COL26A1: variants seen among roughly 807,000 people sequenced by gnomAD.
The protein encoded by COL26A1 is collagen type XXVI alpha 1 chain, also known as collagen alpha-1(XXVI) chain.
A neutral mutation model predicts 59.3 loss-of-function variants in COL26A1; 41 were observed. That is an observed-to-expected ratio of 0.69 (90% CI 0.54 to 0.90). The LOEUF (loss-of-function observed/expected upper bound fraction) is 0.90, where lower values mean the gene tolerates loss of function less well. Ranked by LOEUF, COL26A1 falls within the 40% of genes least tolerant of loss-of-function variation. The pLI, the probability that COL26A1 is intolerant of heterozygous loss-of-function variation, is 0.00. For synonymous variants in COL26A1, 266 were observed against 256.0 expected (o/e 1.04, Z -0.37); for missense variants, 612 against 602.3 (o/e 1.02, Z -0.17).
intron 9 of COL26A1, 108 bp from the exon 10 acceptor site, chr7:101,551,000 C>A: frequency 7.8e-7 from 1 of 1,279,134 alleles, no homozygotes; most frequent in Non-Finnish European, 1.1e-6. Flanking sequence ...CTCTCCCTTC[C>A]TCTTCTGCAG....
Position 101,453,769 on chromosome 7 carries a change from A to G in COL26A1, c.385+5982A>G, listed in dbSNP as rs1048071052. Among the ~76,000 whole-genome samples, 8 of 152,260 alleles carry G rather than the reference A, an allele frequency of 5.3e-5. No homozygotes were observed. The South Asian group carries it at 1.5e-3, about 28-fold the overall frequency. ...ATTTTACATTCCCGAATATAAACCA[A>G]TAAAGACAGCAGGCTAAATCAAGGC... On this transcript the variant is annotated intron_variant, in intron 3 of 12. Transcript: ENST00000313669.
rs575916797 is a variant in COL26A1, at chr7:101,467,370, G to A, written c.385+19583G>A. Among the ~76,000 whole-genome samples the A allele has an allele frequency of 4.7e-4, 67 of 143,716 alleles. 1 individual carries two copies. The highest frequency in any genetic ancestry group is 8.3e-4 in the Non-Finnish European group (52 of 62,808). The allele number at this position is 143,716 out of a possible 152,430, so 94.3% of individuals were successfully genotyped here. On this transcript the variant is annotated intron_variant, in intron 3 of 12. Coordinates refer to ENST00000313669, the MANE Select transcript of COL26A1 (RefSeq NM_001278563.3). Reference sequence around the variant, plus strand: ...GGCGAAATGCACAGGGCGGGGGGAGGATGGGGGGTGGTTTATAGATGAGCC... The same window carrying A: ...GGCGAAATGCACAGGGCGGGGGGAGAATGGGGGGTGGTTTATAGATGAGCC...
At chr7:101,511,148 C>T (rs949769077) in intron 3 of COL26A1, among the ~76,000 whole-genome samples, 37 of 151,372 alleles carry the variant, frequency 2.4e-4, no homozygotes, top group Admixed American at 4.6e-4. Context: ...ATGATCCACC[C>T]GCCTCGGCCT....
intron 3 of COL26A1, among the ~76,000 whole-genome samples, chr7:101,499,167 C>T (rs1317063911): frequency 1.4e-4 from 22 of 152,130 alleles, no homozygotes. Context: ...CACTGGCTGA[C>T]CTGGGGACTG....
At chr7:101,371,455 C>G (rs1367941139) in intron 1 of COL26A1, among the ~76,000 whole-genome samples, 1 of 150,844 alleles carries the variant, frequency 6.6e-6, no homozygotes, top group Non-Finnish European at 1.5e-5. Flanking sequence ...TTGAGACCAG[C>G]TGGGACAACA....
At chr7:101,522,869 C>G (rs1165074115) in intron 3 of COL26A1, among the ~76,000 whole-genome samples, 2 of 151,488 alleles carry the variant, frequency 1.3e-5, no homozygotes, top group Non-Finnish European at 2.9e-5. Flanking sequence ...ATCAGCCATT[C>G]TAGTGGCTAT....
chr7:101,375,106 G>C (rs1281053776), intron 1 of COL26A1, among the ~76,000 whole-genome samples: 1 of 151,994 alleles, frequency 6.6e-6, no homozygotes, highest in African/African-American at 2.4e-5. Context: ...GGAAGGCTGT[G>C]AAGAGTAGGA....
intron 3 of COL26A1, among the ~76,000 whole-genome samples, chr7:101,470,385 C>T (rs546464274): frequency 2.1e-4 from 32 of 152,100 alleles, no homozygotes; most frequent in South Asian, 4.2e-4. Context: ...TGAGCCACCA[C>T]GCCCAGCCCC....
intron 2 of COL26A1, among the ~76,000 whole-genome samples, chr7:101,442,747 C>T (rs573975103): frequency 4.6e-5 from 7 of 152,112 alleles, no homozygotes; most frequent in African/African-American, 9.6e-5. Flanking sequence ...TTTATCCAAG[C>T]GTGTGAATAG....
chr7:101,545,374 G>A lies in COL26A1; in HGVS notation c.740G>A (p.Gly247Glu). 6.3e-7 allele frequency: 1 copy of A among 1,587,090 alleles called. No individual in the cohort carries two copies. The highest frequency in any genetic ancestry group is 8.5e-7 in the Non-Finnish European group (1 of 1,170,848). ...CCTCCAGGGCCCCGTGGGCTTCCTG[G>A]AGAGATGGGGCGCCCCGGCCCCCCA... The part of the protein sequence containing the change: ...LGPPGPRGLP[G>E]EMGRPGPPGP... Residue 247 changes from glycine to glutamate, a missense_variant, in exon 7 of 13, where the codon GGA (glycine) becomes GAA (glutamate). Physicochemically the swap from Gly to Glu is moderately conservative, Grantham distance 98. Transcript: ENST00000313669.
intron 1 of COL26A1, among the ~76,000 whole-genome samples, chr7:101,411,336 G>A (rs1222963748): frequency 6.6e-6 from 1 of 152,144 alleles, no homozygotes; most frequent in Non-Finnish European, 1.5e-5. Context: ...TTTCCTGGCT[G>A]GAGGGTCAGG....
intron 1 of COL26A1, among the ~76,000 whole-genome samples, chr7:101,396,884 G>A (rs376521428): frequency 2.6e-5 from 4 of 152,102 alleles, no homozygotes; most frequent in South Asian, 4.1e-4. Flanking sequence ...GAGATCAGAC[G>A]GTGAATGTGT....
chr7:101,431,026 T>C (rs1792766689), intron 2 of COL26A1, among the ~76,000 whole-genome samples: 1 of 152,042 alleles, frequency 6.6e-6, no homozygotes. Context: ...GGTCTTGAAC[T>C]CCTGGCCTCA....
At chr7:101,372,854 G>A (rs1791226234) in intron 1 of COL26A1, among the ~76,000 whole-genome samples, 1 of 152,076 alleles carries the variant, frequency 6.6e-6, no homozygotes, top group South Asian at 2.1e-4. Context: ...AATTAGCCAG[G>A]TGTGGTGGAA....
At chr7:101,429,378 AC>A (rs2130310686) in intron 2 of COL26A1, among the ~76,000 whole-genome samples, 1 of 152,076 alleles carries the variant, frequency 6.6e-6, no homozygotes, top group South Asian at 2.1e-4. Context: ...TTTGTTGAAG[AC>A]GTCTCCTTTA....
intron 1 of COL26A1, among the ~76,000 whole-genome samples, chr7:101,373,012 G>T (rs966361844): frequency 2.0e-5 from 3 of 152,154 alleles, no homozygotes; most frequent in African/African-American, 7.2e-5. Context: ...GGCAGGCAGA[G>T]GACAGGCACT....
intron 3 of COL26A1, among the ~76,000 whole-genome samples, chr7:101,451,038 AATT>A (rs1273496467): frequency 1.4e-5 from 2 of 144,626 alleles, no homozygotes; most frequent in African/African-American, 5.0e-5. Flanking sequence ...ATTATTGAAT[AATT>A]ATTAATAATA....
chr7:101,526,135 G>A lies in COL26A1; in HGVS notation c.386-6947G>A, dbSNP rs551554165. Among the ~76,000 whole-genome samples, 751 of 151,468 alleles carry A rather than the reference G, an allele frequency of 5.0e-3. 5 individuals carry two copies. The highest frequency in any genetic ancestry group is 6.7e-3 in the Non-Finnish European group (454 of 67,888). On this transcript the variant is annotated intron_variant, in intron 3 of 12. Transcript: ENST00000313669. ...GTGATCTCGGCTCACTGCAACCTCC[G>A]CCTCCTGGGTTCAAGCGATTCTCCT...
chr7:101,430,101 G>T (rs1792744267), intron 2 of COL26A1, among the ~76,000 whole-genome samples: 2 of 151,980 alleles, frequency 1.3e-5, no homozygotes, highest in South Asian at 4.1e-4. Context: ...CATTTACTTA[G>T]ATCTCTTTTT....
Sources: allele counts gnomAD v4.1 joint callset (sites outside exome capture counted in the v4.1 genomes callset), GRCh38; gene constraint gnomAD v4.1.1; transcripts MANE v1.5; gene names NCBI Gene and HGNC (gene_info 2026-07-23, HGNC 2026-07-21).